ZMYND15: variants seen among roughly 807,000 people sequenced by gnomAD.
ZMYND15 encodes the protein zinc finger MYND domain-containing protein 15.
ZMYND15 carries 54 observed loss-of-function variants against 81.7 expected under a neutral mutation model. That is an observed-to-expected ratio of 0.66 (90% CI 0.53 to 0.83). The LOEUF is 0.83. Ranked by LOEUF, ZMYND15 falls within the 40% of genes least tolerant of loss-of-function variation. ZMYND15 has a pLI of 0.00. For synonymous variants in ZMYND15, 399 were observed against 387.0 expected, an observed-to-expected ratio of 1.03 and a Z score of -0.36; for missense variants, 925 against 973.5, an observed-to-expected ratio of 0.95 and a Z score of 0.66.
In ZMYND15 at chr17:4,742,576, GC is replaced by G. The variant is rs1357071475; in HGVS notation, c.1144+86del. On this transcript the variant is annotated intron_variant, in intron 5 of 13. Transcript: ENST00000433935. ...ATTAGATGTCTGGGAACAGGGTCCT[GC>G]AGTTGAAGGCTGAGTGTCTGGGGCT... 4.6e-6 allele frequency: 7 copies of G among 1,527,214 alleles called. No individual in the cohort carries two copies. In the African/African-American group the frequency reaches 9.6e-5, roughly 21 times the overall value. The allele number at this position is 1,527,214 out of a possible 1,614,324, so 94.6% of individuals were successfully genotyped here.
chr17:4,741,014 C>A lies in ZMYND15; in HGVS notation c.466C>A (p.Gln156Lys), dbSNP rs1275928366. 10 of 1,554,692 alleles carry A rather than the reference C, an allele frequency of 6.4e-6. No homozygotes were observed. In the Admixed American group the frequency reaches 9.8e-5, roughly 15 times the overall value. The change falls in exon 2 of 14, where the codon CAG (glutamine) becomes AAG (lysine). Residue 156 changes from glutamine (Q) to lysine (K), a missense_variant. By Grantham distance (53) the Gln-to-Lys change is moderately conservative. Coordinates refer to ENST00000433935, the MANE Select transcript of ZMYND15 (RefSeq NM_001136046.3). ...ELAPTSRESP[Q>K]ETNPPGESEE... Reference sequence around the variant, plus strand: ...AGCCCCTACCAGCAGGGAGTCCCCCCAGGAAACAAACCCTCCAGGAGAGTC... The same window carrying A: ...AGCCCCTACCAGCAGGGAGTCCCCCAAGGAAACAAACCCTCCAGGAGAGTC...
Position 4,745,328 on chromosome 17 carries a change from C to T in ZMYND15, c.2010C>T (p.Pro670=). The T allele has an allele frequency of 3.1e-6, 5 of 1,612,372 alleles. No individual in the cohort carries two copies. Among genetic ancestry groups the T allele is most frequent in the Non-Finnish European group, 4.2e-6 (5 of 1,179,302 alleles). Residue 670 remains proline (P), a synonymous_variant, in exon 13 of 14, where the codon CCC becomes CCT. Coordinates refer to ENST00000433935, the MANE Select transcript of ZMYND15 (RefSeq NM_001136046.3). The surrounding 1 kb of genome is among the most constrained non-coding windows in gnomAD (Gnocchi z 5.2). ...GCACCAGCCCTCCCCAGCCCAACCC[C>T]TTCCGCTCCCCCTTTCGCCTCAGAG... ...GGGTSPPQPN[P]FRSPFRLRAA... is the part of the protein sequence containing the mutation.
rs956053156 is a variant in ZMYND15, at chr17:4,743,673, G to A, written c.1298-94G>A. ...AACCCCCATTCCTCTTACTGCGGCT[G>A]TCTCAGGGAATACAGCCCCTTTGGA... On this transcript the variant is annotated intron_variant, in intron 6 of 13. Transcript: ENST00000433935. The surrounding 1 kb of genome is among the most constrained non-coding windows in gnomAD (Gnocchi z 4.3). The A allele has an allele frequency of 7.2e-5, 99 of 1,378,492 alleles. No individual in the cohort carries two copies. In the African/African-American group the frequency reaches 1.3e-3, roughly 18 times the overall value. 85.4% of individuals were successfully genotyped at this position (1,378,492 alleles called of 1,614,324 possible). A position where few individuals can be genotyped will look rare whatever the true frequency, so the allele number is the denominator to read the frequency against.
In ZMYND15 at chr17:4,745,787, G is replaced by A. The variant is rs554783051; in HGVS notation, c.2058-32G>A. ...CGCCGACCCCTGGGAGTCCCGCCCC[G>A]TGGTCCCTGACTGCGCCCCGCGCCC... On this transcript the variant is annotated intron_variant, in intron 13 of 13. Coordinates refer to ENST00000433935, the MANE Select transcript of ZMYND15 (RefSeq NM_001136046.3). The surrounding 1 kb of genome is among the most constrained non-coding windows in gnomAD (Gnocchi z 5.2). 6.5e-6 allele frequency: 8 copies of A among 1,230,914 alleles called. No homozygotes were observed. The highest frequency in any genetic ancestry group is 2.4e-4 in the Middle Eastern group (1 of 4,082). The allele number at this position is 1,230,914 out of a possible 1,614,324, so 76.2% of individuals were successfully genotyped here. A position where few individuals can be genotyped will look rare whatever the true frequency, so the allele number is the denominator to read the frequency against.
chr17:4,744,316 A>G lies in ZMYND15; in HGVS notation c.1584+38A>G. ...AGGCCTGAAGGTTGGGCATTTTGGTATGGGGGTGGGCACAGGGTAGACCCC... is the reference window on the plus strand; with the variant it reads ...AGGCCTGAAGGTTGGGCATTTTGGTGTGGGGGTGGGCACAGGGTAGACCCC... On this transcript the variant is annotated intron_variant, in intron 9 of 13. Coordinates refer to ENST00000433935, the MANE Select transcript of ZMYND15 (RefSeq NM_001136046.3). The surrounding 1 kb of genome is among the most constrained non-coding windows in gnomAD (Gnocchi z 4.1). 2 of 1,613,838 alleles carry G rather than the reference A, an allele frequency of 1.2e-6. No individual in the cohort carries two copies. Among genetic ancestry groups the G allele is most frequent in the Non-Finnish European group, 1.7e-6 (2 of 1,179,834 alleles).
Position 4,739,852 on chromosome 17 carries a change from C to T in ZMYND15, c.-229C>T. 2.0e-6 allele frequency: 2 copies of T among 987,294 alleles called. No homozygotes were observed. Among genetic ancestry groups the T allele is most frequent in the Non-Finnish European group, 2.4e-6 (2 of 831,152 alleles). The allele number at this position is 987,294 out of a possible 1,614,324, so 61.2% of individuals were successfully genotyped here. On this transcript the variant is annotated 5_prime_UTR_variant, in exon 1 of 14. Transcript: ENST00000433935. This position sits in a 1 kb window ranked among gnomAD's most constrained non-coding sequence, Gnocchi z 5.3. ...GGACCCAGCCGCGCTGCATGAGCCT[C>T]CCGGGCGGCCCGGTGGAGAGAGTCG... is the stretch of plus-strand genomic sequence containing the variant.
At position 4,745,192 on chromosome 17, in the gene ZMYND15, G is replaced by C; in HGVS notation, c.1897-23G>C. 6.2e-7 allele frequency: 1 copy of C among 1,613,962 alleles called. No homozygotes were observed. Among genetic ancestry groups the C allele is most frequent in the Non-Finnish European group, 8.5e-7 (1 of 1,179,958 alleles). The stretch of plus-strand genomic sequence containing the variant: ...GATGGATTTGGGGAGGGGCCTCTCA[G>C]AGCGACTCTCGCTCCACCCCAGTCC... On this transcript the variant is annotated intron_variant, in intron 12 of 13. Transcript: ENST00000433935. The surrounding 1 kb of genome is among the most constrained non-coding windows in gnomAD (Gnocchi z 5.2).
At chr17:4,740,170 G>GCTT in intron 1 of ZMYND15, 120 bp downstream of exon 1, 1 of 765,636 alleles carries the variant, frequency 1.3e-6, no homozygotes, top group Non-Finnish European at 1.6e-6. Context: ...CATCCAAAAT[G>GCTT]CTTCCCTCCC....
In ZMYND15 at chr17:4,745,102, C is replaced by T; in HGVS notation, c.1897-113C>T. ...TGTGTCTGTCTCCGTCCTCCCCCTG[C>T]TCCCCTCCGCCCGGTCTGTCCGGGG... On this transcript the variant is annotated intron_variant, in intron 12 of 13. Transcript: ENST00000433935. This position sits in a 1 kb window ranked among gnomAD's most constrained non-coding sequence, Gnocchi z 5.2. The T allele has an allele frequency of 1.3e-6, 2 of 1,576,986 alleles. No homozygotes were observed. The highest frequency in any genetic ancestry group is 1.7e-6 in the Non-Finnish European group (2 of 1,153,824).
In ZMYND15 at chr17:4,744,184, A is replaced by T. The variant is rs761042106; in HGVS notation, c.1496-6A>T. 51 of 1,613,808 alleles carry T rather than the reference A, an allele frequency of 3.2e-5. No individual in the cohort carries two copies. Among genetic ancestry groups the T allele is most frequent in the Non-Finnish European group, 4.1e-5 (48 of 1,179,968 alleles). ...CACATCCTTAAAGCGCTGGTTTTTC[A>T]CCCAGTCCCTGAGCTCAACATCCAA... is the stretch of plus-strand genomic sequence containing the variant. On this transcript the variant is annotated splice_polypyrimidine_tract_variant and splice_region_variant and intron_variant, in intron 8 of 13. Transcript: ENST00000433935. The surrounding 1 kb of genome is among the most constrained non-coding windows in gnomAD (Gnocchi z 4.1).
At chr17:4,742,225 T>A (rs1448248550) in intron 4 of ZMYND15, 106 bp from the exon 5 acceptor site, 2 of 1,542,610 alleles carry the variant, frequency 1.3e-6, no homozygotes. Flanking sequence ...TTAGAGGGTG[T>A]AAGACAAACA....
chr17:4,743,531 T>G lies in ZMYND15; in HGVS notation c.1297+76T>G. ...GGGAAGAAGTTGTCTGGGTCCCAGATGATCCCTCCACATACACACTGACCC... is the reference window on the plus strand; with the variant it reads ...GGGAAGAAGTTGTCTGGGTCCCAGAGGATCCCTCCACATACACACTGACCC... On this transcript the variant is annotated intron_variant, in intron 6 of 13. Transcript: ENST00000433935. This position sits in a 1 kb window ranked among gnomAD's most constrained non-coding sequence, Gnocchi z 4.3. 6.3e-7 allele frequency: 1 copy of G among 1,580,278 alleles called. No homozygotes were observed. Among genetic ancestry groups the G allele is most frequent in the South Asian group, 1.2e-5 (1 of 86,790 alleles).
In ZMYND15 at chr17:4,744,146, A is replaced by T. The variant is rs1304856961; in HGVS notation, c.1495+39A>T. 6.2e-7 allele frequency: 1 copy of T among 1,611,918 alleles called. No homozygotes were observed. The highest frequency in any genetic ancestry group is 8.5e-7 in the Non-Finnish European group (1 of 1,178,694). Reference sequence around the variant, plus strand: ...AGTGGGGGGTGGAGCAGGATGGGGGAGTGAGAGTGGACCACATCCTTAAAG... The same window carrying T: ...AGTGGGGGGTGGAGCAGGATGGGGGTGTGAGAGTGGACCACATCCTTAAAG... On this transcript the variant is annotated intron_variant, in intron 8 of 13. Transcript: ENST00000433935. This position sits in a 1 kb window ranked among gnomAD's most constrained non-coding sequence, Gnocchi z 4.1.
In ZMYND15 at chr17:4,744,845, G is replaced by C. The variant is rs1232138563; in HGVS notation, c.1838-25G>C. ...GGAGAGAAGCCCACCGTGGGAGCCAGCTTCTCCCTCCTCTCTGTCTGCAGG... is the reference window on the plus strand; with the variant it reads ...GGAGAGAAGCCCACCGTGGGAGCCACCTTCTCCCTCCTCTCTGTCTGCAGG... On this transcript the variant is annotated intron_variant, in intron 11 of 13. Coordinates refer to ENST00000433935, the MANE Select transcript of ZMYND15 (RefSeq NM_001136046.3). The surrounding 1 kb of genome is among the most constrained non-coding windows in gnomAD (Gnocchi z 4.1). 6.2e-7 allele frequency: 1 copy of C among 1,614,142 alleles called. No individual in the cohort carries two copies.
At position 4,743,318 on chromosome 17, in the gene ZMYND15, C is replaced by A. The variant is rs1916511439; in HGVS notation, c.1160C>A (p.Thr387Asn). The A allele has an allele frequency of 6.2e-7, 1 of 1,613,934 alleles. No homozygotes were observed. The highest frequency in any genetic ancestry group is 8.5e-7 in the Non-Finnish European group (1 of 1,179,944). Residue 387 changes from threonine to asparagine, a missense_variant, in exon 6 of 14, where the codon ACC becomes AAC. Physicochemically the swap from Thr to Asn is moderately conservative, Grantham distance 65. Coordinates refer to ENST00000433935, the MANE Select transcript of ZMYND15 (RefSeq NM_001136046.3). The surrounding 1 kb of genome is among the most constrained non-coding windows in gnomAD (Gnocchi z 4.3). ...CCTTCTCCAGAGGTGACCAGTGAAA[C>A]CTTCAACAAAGAGGCCTTCCTGGCC... ...FTYTAEVTSE[T>N]FNKEAFLASR... is the part of the protein sequence containing the mutation.
chr17:4,744,601 C>T lies in ZMYND15; in HGVS notation c.1684-24C>T. 6.2e-7 allele frequency: 1 copy of T among 1,604,364 alleles called. No individual in the cohort carries two copies. The highest frequency in any genetic ancestry group is 1.3e-5 in the African/African-American group (1 of 74,628). On this transcript the variant is annotated intron_variant, in intron 10 of 13. Transcript: ENST00000433935. This position sits in a 1 kb window ranked among gnomAD's most constrained non-coding sequence, Gnocchi z 4.1. ...GTTCCCTGACTTCCAGTGGCTTTTC[C>T]ACCCCACTCCTGGGGCCCCTCAGGA...
chr17:4,745,155 T>C lies in ZMYND15; in HGVS notation c.1897-60T>C. On this transcript the variant is annotated intron_variant, in intron 12 of 13. Coordinates refer to ENST00000433935, the MANE Select transcript of ZMYND15 (RefSeq NM_001136046.3). This position sits in a 1 kb window ranked among gnomAD's most constrained non-coding sequence, Gnocchi z 5.2. ...CTCGGCTTTCAGCCCGGTCTGTCATTCTGGCTGCTGGGATGGATTTGGGGA... is the reference window on the plus strand; with the variant it reads ...CTCGGCTTTCAGCCCGGTCTGTCATCCTGGCTGCTGGGATGGATTTGGGGA... 6.2e-7 allele frequency: 1 copy of C among 1,612,222 alleles called. No homozygotes were observed. The highest frequency in any genetic ancestry group is 8.5e-7 in the Non-Finnish European group (1 of 1,179,120).
chr17:4,740,083 A>G (rs1916315006), intron 1 of ZMYND15, 33 bp downstream of exon 1: 7 of 985,854 alleles, frequency 7.1e-6, no homozygotes, highest in Non-Finnish European at 6.0e-6. Flanking sequence ...GGGAGGGGCT[A>G]GGTCTACCGG....
chr17:4,741,962 C>T lies in ZMYND15; in HGVS notation c.875C>T (p.Thr292Ile). 1.2e-6 allele frequency: 2 copies of T among 1,614,214 alleles called. No homozygotes were observed. Among genetic ancestry groups the T allele is most frequent in the Non-Finnish European group, 8.5e-7 (1 of 1,180,044 alleles). ...AGGCTAGGTGTGAAGTTAGCCAAAACCCCAATGCGGACATGGGGTCCCCGG... is the reference window on the plus strand; with the variant it reads ...AGGCTAGGTGTGAAGTTAGCCAAAATCCCAATGCGGACATGGGGTCCCCGG... ...VPRLGVKLAK[T>I]PMRTWGPRPG... The change falls in exon 4 of 14, where the codon ACC becomes ATC. Residue 292 changes from threonine (T) to isoleucine (I), a missense_variant. Thr to Ile is a moderately conservative substitution (Grantham distance 89). Coordinates refer to ENST00000433935, the MANE Select transcript of ZMYND15 (RefSeq NM_001136046.3).
Sources: gnomAD v4.1 joint callset for allele counts on GRCh38, gnomAD v4.1.1 for gene constraint, Gnocchi (gnomAD v3.1) non-coding constraint, MANE v1.5 for transcripts, NCBI Gene and HGNC (gene_info 2026-07-23, HGNC 2026-07-21) for gene names.